The following TTC28 variants were observed in gnomAD, a reference collection of about 807,000 sequenced individuals.
TTC28 encodes the protein tetratricopeptide repeat protein 28.
A neutral mutation model predicts 198.0 loss-of-function variants in TTC28; 61 were observed. That is an observed-to-expected ratio of 0.31 (90% CI 0.25 to 0.38). TTC28 has a LOEUF of 0.38. Ranked by LOEUF, TTC28 falls within the 10% of genes least tolerant of loss-of-function variation. The pLI is 1.00. For missense variants in TTC28, 2,678 were observed against 3,164.0 expected, an observed-to-expected ratio of 0.85 and a Z score of 3.69; for synonymous variants, 1,171 against 1,297.8, an observed-to-expected ratio of 0.90 and a Z score of 2.10.
intron 2 of TTC28, among the ~76,000 whole-genome samples, chr22:28,560,865 T>C (rs1404582855): frequency 6.6e-6 from 1 of 151,396 alleles, no homozygotes; most frequent in African/African-American, 2.4e-5. Flanking sequence ...CAAGTGATTC[T>C]CCTGCCTCAG....
chr22:28,522,919 G>A (rs1184279878), intron 2 of TTC28, among the ~76,000 whole-genome samples: 1 of 151,846 alleles, frequency 6.6e-6, no homozygotes, highest in African/African-American at 2.4e-5. Flanking sequence ...ATGGGTAAAG[G>A]GTTTCTTTTT....
chr22:28,361,112 A>G (rs2046151523), intron 2 of TTC28, among the ~76,000 whole-genome samples: 1 of 152,196 alleles, frequency 6.6e-6, no homozygotes, highest in African/African-American at 2.4e-5. Flanking sequence ...TAATAACCCT[A>G]TAATGGCCTC....
At chr22:27,989,446 T>C (rs1215041711) in intron 21 of TTC28, among the ~76,000 whole-genome samples, 1 of 152,188 alleles carries the variant, frequency 6.6e-6, no homozygotes, top group Non-Finnish European at 1.5e-5. Context: ...ATGACAGAGA[T>C]GAAATCACAG....
chr22:28,286,241 G>A (rs2044684284), intron 5 of TTC28, among the ~76,000 whole-genome samples: 1 of 151,956 alleles, frequency 6.6e-6, no homozygotes, highest in African/African-American at 2.4e-5. Context: ...TAGAAAATGG[G>A]CTACAACCCC....
intron 1 of TTC28, among the ~76,000 whole-genome samples, chr22:28,654,595 T>C (rs1021141430): frequency 5.3e-5 from 8 of 152,202 alleles, no homozygotes; most frequent in African/African-American, 1.7e-4. Context: ...CCCAAAGTGC[T>C]GGGATTACAG....
At chr22:28,524,052 G>C (rs1314305627) in intron 2 of TTC28, among the ~76,000 whole-genome samples, 1 of 152,092 alleles carries the variant, frequency 6.6e-6, no homozygotes, top group Non-Finnish European at 1.5e-5. Flanking sequence ...GAGGAAGACT[G>C]TGAAAAGGCA....
intron 6 of TTC28, among the ~76,000 whole-genome samples, chr22:28,140,838 T>C (rs1270112867): frequency 1.3e-5 from 2 of 152,224 alleles, no homozygotes; most frequent in Non-Finnish European, 2.9e-5. Flanking sequence ...CTTGATTTTT[T>C]TACTTGGAAA....
chr22:28,283,217 C>T (rs1178070486), intron 5 of TTC28, among the ~76,000 whole-genome samples: 1 of 152,000 alleles, frequency 6.6e-6, no homozygotes, highest in Non-Finnish European at 1.5e-5. Flanking sequence ...CTTAATACTC[C>T]CTAAGAGGAT....
intron 5 of TTC28, among the ~76,000 whole-genome samples, chr22:28,251,782 G>A (rs985485139): frequency 6.6e-6 from 1 of 152,052 alleles, no homozygotes; most frequent in Non-Finnish European, 1.5e-5. Context: ...AGATAGGGAA[G>A]TTTCATTTCA....
intron 5 of TTC28, among the ~76,000 whole-genome samples, chr22:28,275,597 G>A (rs558167910): frequency 8.7e-4 from 132 of 152,202 alleles, no homozygotes; most frequent in African/African-American, 3.1e-3. Context: ...TGTTTTACAT[G>A]AAAGTGCCCT....
At chr22:28,486,768 C>G (rs1267444019) in intron 2 of TTC28, among the ~76,000 whole-genome samples, 3 of 152,152 alleles carry the variant, frequency 2.0e-5, no homozygotes, top group African/African-American at 7.2e-5. Context: ...CACATTTAAT[C>G]TCTTGCAACT....
In TTC28 at chr22:28,511,187, C is replaced by T. The variant is rs187371194; in HGVS notation, c.381+118365G>A. 8.8e-3 allele frequency among the ~76,000 whole-genome samples: 1,333 copies of T among 152,180 alleles called. 18 individuals are homozygous for T. The highest frequency in any genetic ancestry group is 0.031 in the African/African-American group (1,271 of 41,506). ...AAATTCATATGGAACCAAAAGGGAGCCCAAATAGCCAAGACAAGCCTAAAC... is the reference window on the plus strand; with the variant it reads ...AAATTCATATGGAACCAAAAGGGAGTCCAAATAGCCAAGACAAGCCTAAAC... On this transcript the variant is annotated intron_variant, in intron 2 of 22. Transcript: ENST00000397906.
intron 1 of TTC28, among the ~76,000 whole-genome samples, chr22:28,634,702 G>C (rs1336522550): frequency 6.6e-6 from 1 of 150,422 alleles, no homozygotes; most frequent in Admixed American, 6.6e-5. Flanking sequence ...CTCCTGCCTC[G>C]GCCTCCTGAG....
intron 13 of TTC28, among the ~76,000 whole-genome samples, chr22:28,021,817 C>T (rs1475493833): frequency 6.6e-6 from 1 of 152,140 alleles, no homozygotes; most frequent in Admixed American, 6.5e-5. Flanking sequence ...GCCAGGAATG[C>T]TCACCCCAGG....
chr22:28,291,565 T>C (rs1347748926), intron 5 of TTC28, among the ~76,000 whole-genome samples: 1 of 152,228 alleles, frequency 6.6e-6, no homozygotes, highest in Non-Finnish European at 1.5e-5. Context: ...TGCCCAGTGT[T>C]GGCCAAGGCA....
chr22:28,374,960 T>C (rs1045847913), intron 2 of TTC28, among the ~76,000 whole-genome samples: 4 of 151,422 alleles, frequency 2.6e-5, no homozygotes, highest in Non-Finnish European at 4.4e-5. Flanking sequence ...CAGTGGCTCA[T>C]GCCTGTAATC....
intron 6 of TTC28, among the ~76,000 whole-genome samples, chr22:28,153,858 A>C (rs780492466): frequency 6.6e-6 from 1 of 152,168 alleles, no homozygotes. Flanking sequence ...TAGGTATCTG[A>C]CCTCAGGCCT....
At chr22:28,040,313 A>T (rs762916241) in intron 12 of TTC28, among the ~76,000 whole-genome samples, 28 of 152,224 alleles carry the variant, frequency 1.8e-4, no homozygotes, top group Non-Finnish European at 3.8e-4. Flanking sequence ...AATATCCCTG[A>T]TGAACATCAG....
At chr22:28,435,027 A>C (rs1297477648) in intron 2 of TTC28, among the ~76,000 whole-genome samples, 1 of 152,258 alleles carries the variant, frequency 6.6e-6, no homozygotes, top group Non-Finnish European at 1.5e-5. Context: ...TAAGATAGAT[A>C]AATTTCATTC....
Sources: allele counts gnomAD v4.1 joint callset (sites outside exome capture counted in the v4.1 genomes callset), GRCh38; gene constraint gnomAD v4.1.1; transcripts MANE v1.5; gene names NCBI Gene and HGNC (gene_info 2026-07-23, HGNC 2026-07-21).